Variants in ZNF91 observed in about 807,000 individuals in gnomAD.
The protein encoded by ZNF91 is zinc finger protein 91, also known as zinc finger protein 91 (HPF7, HTF10).
Under a neutral mutation model 12.6 loss-of-function variants are expected in ZNF91, and 7 were observed. The ratio of observed to expected loss-of-function variants is 0.55; its 90% confidence interval spans 0.31 to 1.04. The LOEUF (loss-of-function observed/expected upper bound fraction) is 1.04, where lower values mean the gene tolerates loss of function less well. Ranked by LOEUF, ZNF91 falls within the 50% of genes least tolerant of loss-of-function variation. ZNF91 has a pLI of 0.05. For missense variants in ZNF91, 1,217 were observed against 1,385.4 expected (o/e 0.88, Z 1.93); for synonymous variants, 453 against 462.6 (o/e 0.98, Z 0.27).
chr19:23,368,552 C>CTATATATATA (rs1452832461), intron 3 of ZNF91, among the ~76,000 whole-genome samples: 6 of 79,230 alleles, frequency 7.6e-5, no homozygotes, highest in African/African-American at 3.6e-4. Context: ...CTCTCTCTCT[C>CTATATATATA]TCTCTCTCTC....
chr19:23,344,763 A>C (rs1968188558), intron 3 of ZNF91, among the ~76,000 whole-genome samples: 1 of 152,186 alleles, frequency 6.6e-6, no homozygotes, highest in South Asian at 2.1e-4. Flanking sequence ...TAAGGGAATG[A>C]ATAACTCCTC....
At chr19:23,367,561 G>A (rs1023600835) in intron 3 of ZNF91, among the ~76,000 whole-genome samples, 16 of 152,030 alleles carry the variant, frequency 1.1e-4, no homozygotes, top group African/African-American at 3.6e-4. Flanking sequence ...TACTGTTTGA[G>A]ATGTTAAAAT....
At chr19:23,370,003 A>T (rs76491285) in intron 3 of ZNF91, among the ~76,000 whole-genome samples, 2,197 of 87,248 alleles carry the variant, frequency 0.025, 27 homozygotes, top group African/African-American at 0.048. Flanking sequence ...ATGATCAATA[A>T]AAAAAAAAAA....
In ZNF91 at chr19:23,342,919, T is replaced by G. The variant is rs1018531663; in HGVS notation, c.254-3865A>C. 1.5e-4 allele frequency among the ~76,000 whole-genome samples: 23 copies of G among 152,210 alleles called. 1 individual carries two copies. Among genetic ancestry groups the G allele is most frequent in the African/African-American group, 4.8e-4 (20 of 41,466 alleles). ...CTAAACAAACCCAAACACCCACACA[T>G]ATTTAGCAAATGGCCATGGGCAGAA... is the stretch of plus-strand genomic sequence containing the variant. On this transcript the variant is annotated intron_variant, in intron 3 of 3. Coordinates refer to the ZNF91 transcript ENST00000599743.
chr19:23,363,118 A>AG (rs992454418), intron 3 of ZNF91, among the ~76,000 whole-genome samples: 2 of 152,238 alleles, frequency 1.3e-5, no homozygotes, highest in African/African-American at 4.8e-5. Context: ...AAAACCACAC[A>AG]GAAAAAAAAG....
intron 3 of ZNF91, among the ~76,000 whole-genome samples, chr19:23,340,769 CAA>C (rs1968106825): frequency 6.7e-6 from 1 of 148,812 alleles, no homozygotes; most frequent in Non-Finnish European, 1.5e-5. Flanking sequence ...AAAAAATAGA[CAA>C]ATGGAAATCA....
chr19:23,374,781 AAC>A lies in ZNF91; in HGVS notation c.31-19_31-18del. 1 of 1,606,014 alleles carries A rather than the reference AAC, an allele frequency of 6.2e-7. No homozygotes were observed. ...CAACAGTCCCTGAAAAACACACACA[AAC>A]ACACATATTTACAAAGTGGCTATGG... On this transcript the variant is annotated intron_variant, in intron 1 of 3. Coordinates refer to ENST00000300619, the MANE Select transcript of ZNF91 (RefSeq NM_003430.4).
At chr19:23,371,401 T>C (rs1969272194) in intron 3 of ZNF91, among the ~76,000 whole-genome samples, 1 of 152,022 alleles carries the variant, frequency 6.6e-6, no homozygotes, top group Admixed American at 6.6e-5. Context: ...AGATAAGCTA[T>C]AACCAAAACT....
intron 1 of ZNF91, among the ~76,000 whole-genome samples, chr19:23,317,794 C>T (rs1168466539): frequency 5.3e-5 from 8 of 152,268 alleles, no homozygotes; most frequent in East Asian, 1.9e-4. Flanking sequence ...CAGAAGAAAG[C>T]GAGGTTCCCA....
intron 3 of ZNF91, among the ~76,000 whole-genome samples, chr19:23,340,877 A>C (rs546420944): frequency 6.6e-6 from 1 of 151,798 alleles, no homozygotes; most frequent in South Asian, 2.1e-4. Context: ...CCAACATGGA[A>C]CTAATATTCA....
chr19:23,394,255 G>C (rs1051727080), intron 1 of ZNF91, among the ~76,000 whole-genome samples: 11 of 152,058 alleles, frequency 7.2e-5, no homozygotes, highest in Non-Finnish European at 1.5e-4. Context: ...TTAAGTGGCA[G>C]GCAATTAGAT....
chr19:23,320,368 G>C (rs1967662807), intron 1 of ZNF91, among the ~76,000 whole-genome samples: 1 of 152,258 alleles, frequency 6.6e-6, no homozygotes, highest in East Asian at 1.9e-4. Context: ...TATTGTATTA[G>C]TTCATTTTCA....
rs200042721 is a variant in ZNF91 at position 23,394,200 on chromosome 19, T to TA, written c.30+1124dup. Among the ~76,000 whole-genome samples the TA allele has an allele frequency of 8.3e-4, 126 of 152,176 alleles. 1 individual carries two copies. The East Asian group carries it at 0.021, about 25-fold the overall frequency. On this transcript the variant is annotated intron_variant, in intron 1 of 3. Coordinates refer to ENST00000300619, the MANE Select transcript of ZNF91 (RefSeq NM_003430.4). The stretch of plus-strand genomic sequence containing the variant: ...CTTGAGGCCCTGCTTGAGACACATG[T>TA]AAAAAATTCAGGGAAAAATCGTCCC...
intron 1 of ZNF91, among the ~76,000 whole-genome samples, chr19:23,376,762 T>C (rs76113484): frequency 0.036 from 5,422 of 152,198 alleles, 150 homozygotes; most frequent in Non-Finnish European, 0.057. Context: ...AAGTAAAAAT[T>C]TGCAAGTACT....
chr19:23,373,196 G>A (rs1486388190), intron 3 of ZNF91, among the ~76,000 whole-genome samples: 1 of 151,832 alleles, frequency 6.6e-6, no homozygotes, highest in African/African-American at 2.4e-5. Flanking sequence ...TACAGTCACC[G>A]ATGCAAAACT....
chr19:23,313,857 A>C (rs1967509330), upstream of ZNF91, among the ~76,000 whole-genome samples: 1 of 152,192 alleles, frequency 6.6e-6, no homozygotes, highest in Non-Finnish European at 1.5e-5. Context: ...GCACAAATTC[A>C]GTCCACTGTT....
chr19:23,394,408 A>T (rs1276099221), intron 1 of ZNF91, among the ~76,000 whole-genome samples: 1 of 152,174 alleles, frequency 6.6e-6, no homozygotes. Flanking sequence ...TGATTACATA[A>T]GAAGGATATT....
In ZNF91 at chr19:23,362,414, T is replaced by G. The variant is rs768691087; in HGVS notation, c.565A>C (p.Lys189Gln). 6.2e-7 allele frequency: 1 copy of G among 1,614,026 alleles called. No individual in the cohort carries two copies. The highest frequency in any genetic ancestry group is 1.1e-5 in the South Asian group (1 of 91,058). The stretch of plus-strand genomic sequence containing the variant: ...TTGTGTAAACGGATGCAAAATGACT[T>G]GACACATTTTTTACATTTGAAGCAT... The part of the protein sequence containing the change: ...KKCFKCKKCV[K>Q]SFCIRLHKTQ... Residue 189 changes from lysine to glutamine, a missense_variant, in exon 4 of 4, where the codon AAG (lysine) becomes CAG (glutamine). This residue lies in a region of ZNF91 where 726 missense variants were observed against 895.5 expected (regional missense o/e 0.81). Coordinates refer to ENST00000300619, the MANE Select transcript of ZNF91 (RefSeq NM_003430.4).
At chr19:23,315,639 CATA>C (rs1260309041) in intron 1 of ZNF91, among the ~76,000 whole-genome samples, 3 of 152,056 alleles carry the variant, frequency 2.0e-5, no homozygotes, top group African/African-American at 7.2e-5. Context: ...GCAGCACCTA[CATA>C]ATATTACTCT....
Sources: allele counts gnomAD v4.1 joint callset (sites outside exome capture counted in the v4.1 genomes callset), GRCh38; gene constraint gnomAD v4.1.1; regional missense constraint gnomAD v4.1.1; transcripts MANE v1.5; gene names NCBI Gene and HGNC (gene_info 2026-07-23, HGNC 2026-07-21).